Variants in CHST11 observed in about 807,000 individuals in gnomAD.
The protein encoded by CHST11 is C4S-1.
In CHST11, 9 loss-of-function variants were observed where a neutral mutation model predicts 30.4. That is an observed-to-expected ratio of 0.30 (90% CI 0.18 to 0.52). The LOEUF is 0.52. CHST11 is among the 20% of genes least tolerant of loss of function. The pLI is 0.97. For missense variants in CHST11, 348 were observed against 460.6 expected, an observed-to-expected ratio of 0.76 and a Z score of 2.24; for synonymous variants, 152 against 187.8, an observed-to-expected ratio of 0.81 and a Z score of 1.56.
In CHST11 at chr12:104,761,827, C is replaced by T. The variant is rs7847; in HGVS notation, c.*4024C>T. On this transcript the variant is annotated 3_prime_UTR_variant, in exon 3 of 3. Transcript: ENST00000303694. ...TTTGTGGAGTGTGATTTTCTTTTTT[C>T]ACATATTTGTATGCAGTAGAGAGCC... 111,558 of 152,080 alleles carry T rather than the reference C, an allele frequency of 0.73. 41,440 individuals carry two copies. Among genetic ancestry groups the T allele is most frequent in the African/African-American group, 0.85 (35,322 of 41,502 alleles). 9.4% of individuals were successfully genotyped at this position (152,080 alleles called of 1,614,324 possible). A position where few individuals can be genotyped will look rare whatever the true frequency, so the allele number is the denominator to read the frequency against.
chr12:104,638,471 G>T (rs2039346607), intron 2 of CHST11, among the ~76,000 whole-genome samples: 1 of 152,184 alleles, frequency 6.6e-6, no homozygotes, highest in African/African-American at 2.4e-5. Flanking sequence ...TCCCAATGGA[G>T]TGGGATGGGA....
At chr12:104,728,458 C>A (rs312156) in intron 2 of CHST11, among the ~76,000 whole-genome samples, 78,913 of 145,358 alleles carry the variant, frequency 0.54, 20,898 homozygotes, top group East Asian at 0.75. Context: ...TAAAAAAAAA[C>A]AAAAACTGAG....
At chr12:104,665,574 G>A (rs1405093024) in intron 2 of CHST11, among the ~76,000 whole-genome samples, 1 of 151,982 alleles carries the variant, frequency 6.6e-6, no homozygotes, top group Admixed American at 6.6e-5. Flanking sequence ...TATTAACTTA[G>A]TTCATCAACC....
At chr12:104,677,397 AC>A in intron 2 of CHST11, among the ~76,000 whole-genome samples, 1 of 152,330 alleles carries the variant, frequency 6.6e-6, no homozygotes, top group African/African-American at 2.4e-5. Flanking sequence ...TGGGCGAGGA[AC>A]AGAAGGGGAA....
intron 1 of CHST11, among the ~76,000 whole-genome samples, chr12:104,461,431 A>G (rs906162300): frequency 6.6e-6 from 1 of 152,240 alleles, no homozygotes; most frequent in African/African-American, 2.4e-5. Flanking sequence ...ATCAGCTTGC[A>G]TTAAAATGTC....
chr12:104,490,325 A>G (rs545228545), intron 1 of CHST11, among the ~76,000 whole-genome samples: 7 of 152,302 alleles, frequency 4.6e-5, no homozygotes, highest in South Asian at 2.1e-4. Context: ...TAGGCTGCCA[A>G]TGGGAGTGGG....
intron 2 of CHST11, among the ~76,000 whole-genome samples, chr12:104,610,682 G>A (rs1313161970): frequency 1.3e-5 from 2 of 152,186 alleles, no homozygotes; most frequent in African/African-American, 4.8e-5. Context: ...CAAAGCCCTG[G>A]CTTGTTCTGA....
At chr12:104,553,832 C>G (rs4964817) in intron 1 of CHST11, among the ~76,000 whole-genome samples, 2,470 of 152,290 alleles carry the variant, frequency 0.016, 118 homozygotes, top group East Asian at 0.15. Flanking sequence ...CTTAAAACAA[C>G]ACACGTTTAT....
chr12:104,723,334 C>A (rs1206903326), intron 2 of CHST11, among the ~76,000 whole-genome samples: 1 of 152,190 alleles, frequency 6.6e-6, no homozygotes, highest in African/African-American at 2.4e-5. Context: ...AGTACACACA[C>A]AACATAGTCA....
At chr12:104,615,580 TG>T (rs2039100971) in intron 2 of CHST11, among the ~76,000 whole-genome samples, 1 of 152,162 alleles carries the variant, frequency 6.6e-6, no homozygotes, top group African/African-American at 2.4e-5. Flanking sequence ...GGCTGTGTGA[TG>T]TAGGAGAGCT....
intron 2 of CHST11, among the ~76,000 whole-genome samples, chr12:104,706,196 C>T (rs1340132418): frequency 6.6e-6 from 1 of 151,572 alleles, no homozygotes; most frequent in African/African-American, 2.4e-5. Flanking sequence ...CCAGCCTGGC[C>T]AACATGGTGA....
At chr12:104,753,400 C>A (rs2040450184) in intron 2 of CHST11, among the ~76,000 whole-genome samples, 1 of 152,206 alleles carries the variant, frequency 6.6e-6, no homozygotes, top group Non-Finnish European at 1.5e-5. Context: ...CGAGCACTCA[C>A]CCAGTCAGTG....
intron 1 of CHST11, among the ~76,000 whole-genome samples, chr12:104,525,191 C>G (rs1478907559): frequency 6.6e-6 from 1 of 151,572 alleles, no homozygotes; most frequent in African/African-American, 2.4e-5. Context: ...GCCTTCAACT[C>G]CTGGGTTCAA....
intron 1 of CHST11, among the ~76,000 whole-genome samples, chr12:104,583,079 G>A (rs1022310192): frequency 4.6e-5 from 7 of 151,940 alleles, no homozygotes; most frequent in Non-Finnish European, 7.4e-5. Flanking sequence ...ATCTAAGTGC[G>A]GCCACATACA....
chr12:104,597,198 G>A (rs970698829), intron 1 of CHST11, among the ~76,000 whole-genome samples: 1 of 152,182 alleles, frequency 6.6e-6, no homozygotes, highest in African/African-American at 2.4e-5. Flanking sequence ...ACAAACACGA[G>A]CGGCTTGAGT....
At chr12:104,619,199 G>A (rs1042381871) in intron 2 of CHST11, among the ~76,000 whole-genome samples, 2 of 152,174 alleles carry the variant, frequency 1.3e-5, no homozygotes, top group Admixed American at 6.5e-5. Flanking sequence ...CGCCTGTGCC[G>A]GCTACACCTC....
rs2038945917 is a variant in CHST11, at chr12:104,600,236, G to A, written c.119-1670G>A. ...TTTTTCCTCCGGAGACCTTCCAGAT[G>A]TCATCAGCTGCTTTTGGATGACTCT... On this transcript the variant is annotated intron_variant, in intron 1 of 2. Transcript: ENST00000303694. The surrounding 1 kb of genome is among the most constrained non-coding windows in gnomAD (Gnocchi z 4.1). Among the ~76,000 whole-genome samples, 1 of 152,172 alleles carries A rather than the reference G, an allele frequency of 6.6e-6. No homozygotes were observed. Among genetic ancestry groups the A allele is most frequent in the Non-Finnish European group, 1.5e-5 (1 of 68,030 alleles).
intron 1 of CHST11, among the ~76,000 whole-genome samples, chr12:104,547,330 G>A (rs1210629861): frequency 6.6e-6 from 1 of 152,214 alleles, no homozygotes; most frequent in African/African-American, 2.4e-5. Flanking sequence ...AATTAGAACA[G>A]GAAGGAGCCA....
chr12:104,573,378 C>T (rs1330783299), intron 1 of CHST11, among the ~76,000 whole-genome samples: 1 of 151,708 alleles, frequency 6.6e-6, no homozygotes, highest in Non-Finnish European at 1.5e-5. Flanking sequence ...TCATATGGAA[C>T]CAAAAAAGAG....
Sources: gnomAD v4.1 joint callset for allele counts (sites outside exome capture counted in the v4.1 genomes callset) on GRCh38, gnomAD v4.1.1 for gene constraint, Gnocchi (gnomAD v3.1) non-coding constraint, MANE v1.5 for transcripts, NCBI Gene and HGNC (gene_info 2026-07-23, HGNC 2026-07-21) for gene names.